USP53: variants seen among roughly 807,000 people sequenced by gnomAD.
USP53 encodes the protein ubiquitin specific peptidase 53.
A neutral mutation model predicts 94.9 loss-of-function variants in USP53; 71 were observed. The ratio of observed to expected loss-of-function variants is 0.75; its 90% CI spans 0.62 to 0.91. The LOEUF is 0.91. Among genes scored for constraint, USP53 ranks in the 40% least tolerant of loss-of-function variants. The pLI is 0.00. For missense variants in USP53, 1,173 were observed against 1,281.0 expected, an observed-to-expected ratio of 0.92 and a Z score of 1.29; for synonymous variants, 375 against 422.7, an observed-to-expected ratio of 0.89 and a Z score of 1.39.
chr4:119,279,140 G>A (rs1311121580), intron 17 of USP53, among the ~76,000 whole-genome samples: 1 of 148,632 alleles, frequency 6.7e-6, no homozygotes, highest in African/African-American at 2.5e-5. Flanking sequence ...TCTGTTGCTG[G>A]TGAGGAACTG....
At chr4:119,265,801 C>A (rs1224323070) in intron 12 of USP53, among the ~76,000 whole-genome samples, 1 of 152,032 alleles carries the variant, frequency 6.6e-6, no homozygotes, top group Admixed American at 6.6e-5. Flanking sequence ...CTTAAAAGTC[C>A]CCTTGCCTGC....
Position 119,271,403 on chromosome 4 carries a change from T to C in USP53, c.1543T>C (p.Ser515Pro), listed in dbSNP as rs185941773. 6.2e-7 allele frequency: 1 copy of C among 1,613,772 alleles called. No homozygotes were observed. The highest frequency in any genetic ancestry group is 1.3e-5 in the African/African-American group (1 of 74,982). Residue 515 changes from serine (S) to proline (P), a missense_variant, in exon 16 of 19, where the codon TCA (serine) becomes CCA (proline). By Grantham distance (74) the Ser-to-Pro change is moderately conservative. Coordinates refer to ENST00000692078, the MANE Select transcript of USP53 (RefSeq NM_001371395.1). ...PHLYHSQGKG[S>P]YKHDRVVPQS... is the part of the protein sequence containing the mutation. ...TCTATATCATAGTCAAGGAAAAGGATCATATAAACATGACCGAGTTGTACC... is the reference window on the plus strand; with the variant it reads ...TCTATATCATAGTCAAGGAAAAGGACCATATAAACATGACCGAGTTGTACC...
At chr4:119,283,407 A>G (rs1486471669) in intron 17 of USP53, among the ~76,000 whole-genome samples, 1 of 151,964 alleles carries the variant, frequency 6.6e-6, no homozygotes, top group African/African-American at 2.4e-5. Flanking sequence ...TTTTAATCAT[A>G]GAGGAAATGG....
chr4:119,256,951 G>C (rs10009609), intron 9 of USP53, among the ~76,000 whole-genome samples: 2 of 152,060 alleles, frequency 1.3e-5, no homozygotes, highest in African/African-American at 2.4e-5. Context: ...AAATGTGAGC[G>C]TAATTCTCAG....
At chr4:119,288,871 G>A (rs1292127298) in intron 17 of USP53, among the ~76,000 whole-genome samples, 2 of 151,224 alleles carry the variant, frequency 1.3e-5, no homozygotes, top group East Asian at 1.9e-4. Context: ...CTGGGAGGCG[G>A]AGGTTGCAGT....
At position 119,246,821 on chromosome 4, in the gene USP53, CT is replaced by C. The variant is rs555486012; in HGVS notation, c.237+1393del. Among the ~76,000 whole-genome samples the C allele has an allele frequency of 2.1e-3, 326 of 152,316 alleles. 1 individual carries two copies. Among genetic ancestry groups the C allele is most frequent in the Non-Finnish European group, 3.9e-3 (264 of 68,036 alleles). Reference sequence around the variant, plus strand: ...CAGAGCATCCAGTATATATTAGCAACTCATTCGTGTCACTGAAATGTTTTGC... The same window carrying C: ...CAGAGCATCCAGTATATATTAGCAACCATTCGTGTCACTGAAATGTTTTGC... On this transcript the variant is annotated intron_variant, in intron 6 of 18. Coordinates refer to ENST00000692078, the MANE Select transcript of USP53 (RefSeq NM_001371395.1).
intron 5 of USP53, among the ~76,000 whole-genome samples, chr4:119,244,446 G>A (rs1333362075): frequency 6.6e-6 from 1 of 152,144 alleles, no homozygotes. Context: ...GTTATCTGAG[G>A]ACACGACTAA....
At chr4:119,220,749 G>A (rs948905512) in intron 3 of USP53, 3 of 152,172 alleles carry the variant, frequency 2.0e-5, no homozygotes, top group African/African-American at 7.2e-5. Context: ...AGATGGTAAG[G>A]AAGACACTTG....
Position 119,273,644 on chromosome 4 carries a change from G to A in USP53, c.2187G>A (p.Thr729=), listed in dbSNP as rs61730006. Residue 729 remains threonine, a synonymous_variant, in exon 17 of 19, where the codon ACG becomes ACA. Transcript: ENST00000692078. The part of the protein sequence containing the change: ...KETVCFSDQI[T]TSNLNKERGD... ...TTTTATTTTCTAGTGACCAGATTAC[G>A]ACAAGCAACCTAAATAAAGAACGTG... is the stretch of plus-strand genomic sequence containing the variant. 0.035 allele frequency: 56,472 copies of A among 1,611,796 alleles called. 1,190 individuals carry two copies. The highest frequency in any genetic ancestry group is 0.082 in the South Asian group (7,428 of 90,836).
At chr4:119,283,027 CT>C (rs985753324) in intron 17 of USP53, among the ~76,000 whole-genome samples, 2 of 151,938 alleles carry the variant, frequency 1.3e-5, no homozygotes, top group South Asian at 2.1e-4. Context: ...ACCGTTATTT[CT>C]TTTTTTATTC....
At chr4:119,273,596 A>C in intron 16 of USP53, 36 bp from the exon 17 acceptor site, 1 of 1,543,466 alleles carries the variant, frequency 6.5e-7, no homozygotes, top group Non-Finnish European at 8.9e-7. Context: ...GCAGTCCATA[A>C]TACCTGATGT....
At chr4:119,241,333 C>CT (rs945564060) in intron 5 of USP53, among the ~76,000 whole-genome samples, 1 of 152,034 alleles carries the variant, frequency 6.6e-6, no homozygotes, top group Admixed American at 6.6e-5. Flanking sequence ...GTGCTCATCA[C>CT]TTTTTTGCAT....
At chr4:119,232,256 A>G (rs952061108) in intron 3 of USP53, among the ~76,000 whole-genome samples, 3 of 152,180 alleles carry the variant, frequency 2.0e-5, no homozygotes, top group African/African-American at 7.2e-5. Flanking sequence ...CCTCAGAAAG[A>G]AACTCTATCT....
rs115946543 is a variant in USP53, at chr4:119,255,430, C to T, written c.373-816C>T. Among the ~76,000 whole-genome samples the T allele has an allele frequency of 8.4e-3, 1,277 of 152,264 alleles. 16 individuals are homozygous for T. Among genetic ancestry groups the T allele is most frequent in the African/African-American group, 0.029 (1,207 of 41,544 alleles). ...CTTTGTTTACACCGTGAGCAGAGAA[C>T]CAGCTACTCACTCCTCAGCAAGGGC... On this transcript the variant is annotated intron_variant, in intron 7 of 18. Transcript: ENST00000692078.
At chr4:119,272,665 G>A (rs1752022563) in intron 16 of USP53, 1 of 152,358 alleles carries the variant, frequency 6.6e-6, no homozygotes, top group Admixed American at 6.5e-5. Context: ...GCCTCCCAAA[G>A]TGCTGGGATT....
rs539021331 is a variant in USP53 at position 119,273,850 on chromosome 4, T to C, written c.2251+142T>C. On this transcript the variant is annotated intron_variant, in intron 17 of 18. Transcript: ENST00000692078. The stretch of plus-strand genomic sequence containing the variant: ...AACCCTAAAATATCAATAAACAAGT[T>C]TTATTAAGTTAATATATGTTTTAAT... The C allele has an allele frequency of 1.7e-5, 11 of 633,002 alleles. No individual in the cohort carries two copies. In the East Asian group the frequency reaches 3.2e-4, roughly 18 times the overall value. 39.2% of individuals were successfully genotyped at this position (633,002 alleles called of 1,614,324 possible).
At chr4:119,246,411 T>C (rs1369799173) in intron 6 of USP53, among the ~76,000 whole-genome samples, 1 of 152,200 alleles carries the variant, frequency 6.6e-6, no homozygotes, top group Non-Finnish European at 1.5e-5. Context: ...TGGACACAGC[T>C]AGAGCTGAGT....
At chr4:119,227,053 A>G (rs1462049826) in intron 3 of USP53, among the ~76,000 whole-genome samples, 1 of 152,008 alleles carries the variant, frequency 6.6e-6, no homozygotes, top group East Asian at 1.9e-4. Context: ...GGTGCTCTCA[A>G]ACTCCTGGGC....
At chr4:119,223,905 C>T (rs1014219948) in intron 3 of USP53, among the ~76,000 whole-genome samples, 11 of 152,196 alleles carry the variant, frequency 7.2e-5, no homozygotes, top group Non-Finnish European at 1.2e-4. Context: ...GACCATGACT[C>T]AAGGTAAGGA....
Sources: allele counts gnomAD v4.1 joint callset (sites outside exome capture counted in the v4.1 genomes callset), GRCh38; gene constraint gnomAD v4.1.1; transcripts MANE v1.5; gene names NCBI Gene and HGNC (gene_info 2026-07-23, HGNC 2026-07-21).